AGO4: variants seen among roughly 807,000 people sequenced by gnomAD.
AGO4 encodes the protein argonaute RISC component 4, also known as protein argonaute-4.
A neutral mutation model predicts 104.7 loss-of-function variants in AGO4; 33 were observed. That is an observed-to-expected ratio of 0.32 (90% CI 0.24 to 0.42). The LOEUF (loss-of-function observed/expected upper bound fraction) is 0.42. AGO4 is among the 10% of genes least tolerant of loss of function. AGO4 has a pLI of 1.00. For missense variants in AGO4, 711 were observed against 1,083.4 expected, an observed-to-expected ratio of 0.66 and a Z score of 4.83; for synonymous variants, 331 against 364.7, an observed-to-expected ratio of 0.91 and a Z score of 1.05.
At chr1:35,829,798 G>A (rs1046441398) in intron 7 of AGO4, among the ~76,000 whole-genome samples, 4 of 135,796 alleles carry the variant, frequency 2.9e-5, no homozygotes, top group Non-Finnish European at 4.6e-5. Context: ...GCAGTGAGCC[G>A]AGATTGCACT....
In AGO4 at chr1:35,835,932, C is replaced by A. The variant is rs1644303046; in HGVS notation, c.1663C>A (p.Leu555Ile). The A allele has an allele frequency of 1.9e-6, 3 of 1,614,096 alleles. No homozygotes were observed. Among genetic ancestry groups the A allele is most frequent in the Non-Finnish European group, 2.5e-6 (3 of 1,179,986 alleles). The change falls in exon 13 of 18, where the codon CTT (leucine) becomes ATT (isoleucine). Residue 555 changes from leucine (L) to isoleucine (I), a missense_variant. Coordinates refer to ENST00000373210, the MANE Select transcript of AGO4 (RefSeq NM_017629.4). ...GACCTCACCTCAAACCCTTTCCAAT[C>A]TTTGCCTGAAGATAAATGCAAAACT... ...VKTSPQTLSN[L>I]CLKINAKLGG...
intron 2 of AGO4, among the ~76,000 whole-genome samples, chr1:35,818,688 A>AGGAG (rs1643807631): frequency 2.0e-5 from 3 of 151,164 alleles, no homozygotes; most frequent in Non-Finnish European, 4.4e-5. Flanking sequence ...GAAGGAAGGA[A>AGGAG]GGAAGGAAGG....
intron 15 of AGO4, among the ~76,000 whole-genome samples, chr1:35,843,640 TAAATA>T (rs1347832686): frequency 1.3e-5 from 2 of 151,800 alleles, no homozygotes; most frequent in Admixed American, 6.6e-5. Context: ...ATAAAATAAA[TAAATA>T]AAAGATATGC....
chr1:35,851,755 A>T (rs183066179), intron 17 of AGO4, among the ~76,000 whole-genome samples: 16 of 152,346 alleles, frequency 1.1e-4, no homozygotes, highest in Non-Finnish European at 1.8e-4. Flanking sequence ...AAAATGTCCA[A>T]CTGTGGCTTT....
At chr1:35,846,907 G>T (rs1644585202) in intron 15 of AGO4, among the ~76,000 whole-genome samples, 1 of 151,908 alleles carries the variant, frequency 6.6e-6, no homozygotes, top group African/African-American at 2.4e-5. Flanking sequence ...AGTAAGCAAG[G>T]CGTGGTGGTG....
intron 17 of AGO4, 31 bp from the exon 18 acceptor site, chr1:35,853,466 T>G: frequency 6.4e-7 from 1 of 1,556,286 alleles, no homozygotes; most frequent in Non-Finnish European, 8.7e-7. Flanking sequence ...TTTGTTTTGC[T>G]TTGTTTTGTT....
chr1:35,851,169 A>G (rs1258566395), intron 17 of AGO4, 116 bp downstream of exon 17: 3 of 1,095,042 alleles, frequency 2.7e-6, no homozygotes, highest in Admixed American at 2.6e-5. Context: ...AATTGTAAGA[A>G]GCAAATAAAA....
intron 3 of AGO4, among the ~76,000 whole-genome samples, chr1:35,824,001 C>T (rs1037586278): frequency 4.6e-5 from 7 of 152,116 alleles, no homozygotes; most frequent in Admixed American, 1.3e-4. Context: ...GTCATCTTTA[C>T]GTAATTTCTC....
intron 17 of AGO4, 38 bp from the exon 18 acceptor site, chr1:35,853,459 G>T (rs1356011112): frequency 1.3e-6 from 2 of 1,548,186 alleles, no homozygotes; most frequent in South Asian, 1.2e-5. Flanking sequence ...TTGTTTGTTT[G>T]TTTTGCTTTG....
At chr1:35,827,716 CTA>C (rs1314974153) in intron 7 of AGO4, among the ~76,000 whole-genome samples, 2 of 148,682 alleles carry the variant, frequency 1.3e-5, no homozygotes, top group African/African-American at 5.0e-5. Flanking sequence ...TTTATTTAAT[CTA>C]TGTTTTATTT....
In AGO4 at chr1:35,828,581, G is replaced by A. The variant is rs531773792; in HGVS notation, c.848+1746G>A. On this transcript the variant is annotated intron_variant, in intron 7 of 17. Coordinates refer to ENST00000373210, the MANE Select transcript of AGO4 (RefSeq NM_017629.4). ...GTTGCCCAGGTTGGAGTGCAATGTCGTGATCTCTGCTCACTGCAACCTCCA... is the reference window on the plus strand; with the variant it reads ...GTTGCCCAGGTTGGAGTGCAATGTCATGATCTCTGCTCACTGCAACCTCCA... 8.9e-4 allele frequency among the ~76,000 whole-genome samples: 134 copies of A among 151,098 alleles called. 1 individual carries two copies. Among genetic ancestry groups the A allele is most frequent in the Admixed American group, 2.8e-3 (43 of 15,148 alleles).
Position 35,835,993 on chromosome 1 carries a change from G to A in AGO4, c.1724G>A (p.Arg575Lys), listed in dbSNP as rs1376159804. 1.2e-6 allele frequency: 2 copies of A among 1,609,358 alleles called. No homozygotes were observed. The highest frequency in any genetic ancestry group is 1.7e-6 in the Non-Finnish European group (2 of 1,178,796). The change falls in exon 13 of 18, where the codon AGG becomes AAG. Residue 575 changes from arginine to lysine, a missense_variant and splice_region_variant. Around this residue, in one of 3 missense-constraint regions of AGO4, gnomAD observed 401 missense variants for 665.5 expected, o/e 0.60. Transcript: ENST00000373210. Reference protein sequence around the residue: ...GINNVLVPHQRPSVFQQPVIF... With the variant: ...GINNVLVPHQKPSVFQQPVIF... ...AACAATGTGCTTGTGCCTCATCAAA[G>A]GTAAGATTCTGAATGCTTTCCCCAC...
At chr1:35,828,106 G>A (rs1157750542) in intron 7 of AGO4, among the ~76,000 whole-genome samples, 1 of 151,914 alleles carries the variant, frequency 6.6e-6, no homozygotes, top group African/African-American at 2.4e-5. Context: ...ATCATATAAG[G>A]CTGTCAGGAG....
chr1:35,837,796 A>G (rs1644350229), intron 13 of AGO4, among the ~76,000 whole-genome samples: 1 of 152,176 alleles, frequency 6.6e-6, no homozygotes, highest in Non-Finnish European at 1.5e-5. Context: ...CCTTCACAAG[A>G]TACAGATATC....
At chr1:35,853,427 TG>T (rs1177710410) in intron 17 of AGO4, 69 bp from the exon 18 acceptor site, 24 of 1,432,954 alleles carry the variant, frequency 1.7e-5, no homozygotes, top group Non-Finnish European at 2.0e-5. Context: ...TTTGTTTTTT[TG>T]TTGTTGTTGT....
chr1:35,827,071 G>A (rs376472283), intron 7 of AGO4, among the ~76,000 whole-genome samples: 31 of 151,786 alleles, frequency 2.0e-4, no homozygotes, highest in African/African-American at 6.5e-4. Flanking sequence ...GCGTGGTGGC[G>A]GGTACCTGTA....
intron 12 of AGO4, among the ~76,000 whole-genome samples, chr1:35,835,147 C>T (rs1353850189): frequency 3.3e-5 from 5 of 151,070 alleles, no homozygotes; most frequent in African/African-American, 1.2e-4. Context: ...AGTACTGGGA[C>T]TACAGGCACG....
chr1:35,816,811 A>C (rs1571258241), intron 1 of AGO4, 71 bp from the exon 2 acceptor site: 1 of 1,293,840 alleles, frequency 7.7e-7, no homozygotes, highest in Non-Finnish European at 9.5e-7. Flanking sequence ...AAAAAAAAAA[A>C]AAAAAAAAAA....
At chr1:35,853,287 C>A in intron 17 of AGO4, among the ~76,000 whole-genome samples, 1 of 148,544 alleles carries the variant, frequency 6.7e-6, no homozygotes, top group Non-Finnish European at 1.5e-5. Context: ...GTTGAGTCAA[C>A]TGATATTTAG....
Sources: allele counts gnomAD v4.1 joint callset (sites outside exome capture counted in the v4.1 genomes callset), GRCh38; gene constraint gnomAD v4.1.1; regional missense constraint gnomAD v4.1.1; transcripts MANE v1.5; gene names NCBI Gene and HGNC (gene_info 2026-07-23, HGNC 2026-07-21).